The following TBCE variants were observed in gnomAD, a reference collection of about 807,000 sequenced individuals.
The protein encoded by TBCE is tubulin folding cofactor E, also known as tubulin-specific chaperone E.
TBCE carries 53 observed loss-of-function variants against 77.0 expected under a neutral mutation model. The ratio of observed to expected loss-of-function variants is 0.69; its 90% confidence interval spans 0.55 to 0.87. TBCE has a LOEUF of 0.87. Among genes scored for constraint, TBCE ranks in the 40% least tolerant of loss-of-function variants. The pLI, the probability that TBCE is intolerant of heterozygous loss-of-function variation, is 0.00. For missense variants in TBCE, 624 were observed against 622.4 expected (o/e 1.00, Z -0.03); for synonymous variants, 235 against 241.3 (o/e 0.97, Z 0.24).
intron 2 of TBCE, among the ~76,000 whole-genome samples, chr1:235,398,577 T>C (rs1300901908): frequency 6.6e-6 from 1 of 151,684 alleles, no homozygotes; most frequent in Admixed American, 6.6e-5. Context: ...TGTTCCTTTT[T>C]TTCTCCCTTC....
intron 2 of TBCE, among the ~76,000 whole-genome samples, chr1:235,399,077 C>T (rs760054472): frequency 2.6e-5 from 4 of 152,128 alleles, no homozygotes; most frequent in Non-Finnish European, 5.9e-5. Flanking sequence ...CCTCAGCCTT[C>T]TGGGTAGCTG....
At chr1:235,370,252 CTT>C (rs534933199) in intron 1 of TBCE, among the ~76,000 whole-genome samples, 11 of 132,826 alleles carry the variant, frequency 8.3e-5, no homozygotes, top group Admixed American at 1.5e-4. Context: ...CTGCTGTATT[CTT>C]TTTTTTTTTT....
chr1:235,399,302 G>T (rs1328898944), intron 2 of TBCE, among the ~76,000 whole-genome samples: 1 of 152,136 alleles, frequency 6.6e-6, no homozygotes, highest in South Asian at 2.1e-4. Flanking sequence ...TGGAGTTGTG[G>T]TGGTATGATA....
At chr1:235,372,258 A>G (rs1341868211) in intron 1 of TBCE, among the ~76,000 whole-genome samples, 1 of 151,982 alleles carries the variant, frequency 6.6e-6, no homozygotes, top group African/African-American at 2.4e-5. Flanking sequence ...GGATTTCACC[A>G]TAGTGGCAAG....
intron 3 of TBCE, among the ~76,000 whole-genome samples, chr1:235,411,586 T>A (rs371488806): frequency 6.6e-4 from 101 of 152,142 alleles, no homozygotes; most frequent in African/African-American, 2.3e-3. Flanking sequence ...GAAAGCAAGT[T>A]TATTAAGAAA....
chr1:235,401,397 A>T, intron 2 of TBCE, 106 bp from the exon 3 acceptor site: 1 of 891,240 alleles, frequency 1.1e-6, no homozygotes, highest in Non-Finnish European at 1.9e-6. Flanking sequence ...CCCAAGTGGT[A>T]TCTGTGTGAT....
chr1:235,435,608 G>A lies in TBCE; in HGVS notation c.738-137G>A. ...GTGCATCACCACAGGGACCACTCAG[G>A]TTGCCCCTTTACAGTCATATTTACT... On this transcript the variant is annotated intron_variant, in intron 8 of 16. Coordinates refer to ENST00000642610, the MANE Select transcript of TBCE (RefSeq NM_003193.5). The A allele has an allele frequency of 1.5e-5, 11 of 743,078 alleles. No homozygotes were observed. In the South Asian group the frequency reaches 1.7e-4, roughly 12 times the overall value. The allele number at this position is 743,078 out of a possible 1,614,324, so 46.0% of individuals were successfully genotyped here.
intron 6 of TBCE, chr1:235,428,985 A>ATTTTTTTT (rs35190136): frequency 2.0e-5 from 2 of 102,292 alleles, no homozygotes; most frequent in Non-Finnish European, 3.6e-5. Context: ...ATATATATAT[A>ATTTTTTTT]TTTTTTTTTT....
rs186097207 is a variant in TBCE, at chr1:235,392,560, C to T, written c.101-8943C>T. On this transcript the variant is annotated intron_variant, in intron 2 of 16. Transcript: ENST00000642610. ...CGAGTAGCTAGGATTACAGGCACCC[C>T]CCTCCATGCCCAGCTAATTTTTGTA... Among the ~76,000 whole-genome samples the T allele has an allele frequency of 2.3e-3, 353 of 151,356 alleles. 2 individuals carry two copies. Among genetic ancestry groups the T allele is most frequent in the African/African-American group, 8.1e-3 (333 of 41,290 alleles).
At chr1:235,431,670 TTTTA>T (rs1467147230) in intron 7 of TBCE, among the ~76,000 whole-genome samples, 6 of 149,168 alleles carry the variant, frequency 4.0e-5, no homozygotes, top group African/African-American at 1.5e-4. Flanking sequence ...CCACTTTCAT[TTTTA>T]TTTATTTATT....
At chr1:235,380,807 CAG>C (rs1558347468) in intron 2 of TBCE, among the ~76,000 whole-genome samples, 1 of 152,082 alleles carries the variant, frequency 6.6e-6, no homozygotes, top group African/African-American at 2.4e-5. Context: ...TATTTTGAGA[CAG>C]AGTTTCGCTC....
At chr1:235,370,302 G>A (rs1210779719) in intron 1 of TBCE, among the ~76,000 whole-genome samples, 3 of 147,924 alleles carry the variant, frequency 2.0e-5, no homozygotes, top group African/African-American at 7.6e-5. Flanking sequence ...TGCCCAGGCT[G>A]GAGTGCAGTG....
At chr1:235,405,741 ATAT>A (rs1200823265) in intron 3 of TBCE, among the ~76,000 whole-genome samples, 2 of 152,200 alleles carry the variant, frequency 1.3e-5, no homozygotes, top group South Asian at 2.1e-4. Context: ...TCATTATCAA[ATAT>A]TATGTACTAT....
chr1:235,386,498 CTT>C (rs1482077375), intron 2 of TBCE, among the ~76,000 whole-genome samples: 1 of 152,050 alleles, frequency 6.6e-6, no homozygotes, highest in Non-Finnish European at 1.5e-5. Flanking sequence ...TTGTTCATTT[CTT>C]TTTATTCTTT....
intron 3 of TBCE, among the ~76,000 whole-genome samples, chr1:235,407,132 G>GC (rs1279716812): frequency 7.0e-6 from 1 of 142,834 alleles, no homozygotes; most frequent in African/African-American, 2.6e-5. Flanking sequence ...CCTGGCCCCC[G>GC]CCTTTTTTTT....
chr1:235,436,916 C>T (rs142370764), intron 11 of TBCE, among the ~76,000 whole-genome samples: 115 of 149,946 alleles, frequency 7.7e-4, no homozygotes, highest in Non-Finnish European at 1.5e-3. Flanking sequence ...GTCGGGAGTT[C>T]GAGACCAGCC....
chr1:235,374,979 G>T (rs1168350443), intron 1 of TBCE, among the ~76,000 whole-genome samples: 1 of 130,262 alleles, frequency 7.7e-6, no homozygotes, highest in Admixed American at 7.8e-5. Context: ...GGAGTGCAGT[G>T]GTGCGATCTC....
rs1207072173 is a variant in TBCE at position 235,449,103 on chromosome 1, GTTTTAATGGAA to G, written c.*344_*354del. ...ACAGTTAATATCTGTCATAAGACTA[GTTTTAATGGAA>G]TTCTCTATTGAAACTACTATTTTAA... is the stretch of plus-strand genomic sequence containing the variant. On this transcript the variant is annotated 3_prime_UTR_variant, in exon 17 of 17. Transcript: ENST00000642610. 1.4e-5 allele frequency: 4 copies of G among 287,590 alleles called. No homozygotes were observed. Among genetic ancestry groups the G allele is most frequent in the Non-Finnish European group, 2.7e-5 (4 of 148,380 alleles). 17.8% of individuals were successfully genotyped at this position (287,590 alleles called of 1,614,324 possible).
chr1:235,428,991 T>G (rs1312857517), intron 6 of TBCE: 1 of 128,650 alleles, frequency 7.8e-6, no homozygotes, highest in Admixed American at 7.6e-5. Context: ...ATATATTTTT[T>G]TTTTTTTTTT....
Sources: gnomAD v4.1 joint callset for allele counts (sites outside exome capture counted in the v4.1 genomes callset) on GRCh38, gnomAD v4.1.1 for gene constraint, MANE v1.5 for transcripts, NCBI Gene and HGNC (gene_info 2026-07-23, HGNC 2026-07-21) for gene names.